The following PCSK5 variants were observed in gnomAD, a reference collection of about 807,000 sequenced individuals.
The protein encoded by PCSK5 is proprotein convertase subtilisin/kexin type 5.
In PCSK5, 129 loss-of-function variants were observed where a neutral mutation model predicts 233.2. The observed-to-expected ratio is 0.55, with a 90% CI of 0.48 to 0.64. The LOEUF (loss-of-function observed/expected upper bound fraction) is 0.64, where lower values mean the gene tolerates loss of function less well. PCSK5 is among the 30% of genes least tolerant of loss of function. The probability of loss-of-function intolerance (pLI) is 0.00; values close to 1 mark genes in which losing one functional copy is unlikely to be tolerated. For synonymous variants in PCSK5, 825 were observed against 879.2 expected, an observed-to-expected ratio of 0.94 and a Z score of 1.09; for missense variants, 2,076 against 2,430.1, an observed-to-expected ratio of 0.85 and a Z score of 3.06.
intron 2 of PCSK5, among the ~76,000 whole-genome samples, chr9:75,958,092 CT>C (rs1221861569): frequency 1.3e-5 from 2 of 152,190 alleles, no homozygotes; most frequent in Non-Finnish European, 2.9e-5. Context: ...ATCTATCTAA[CT>C]GGGTGGTTGT....
At chr9:75,904,004 G>A (rs1212148805) in intron 1 of PCSK5, among the ~76,000 whole-genome samples, 1 of 152,100 alleles carries the variant, frequency 6.6e-6, no homozygotes, top group Non-Finnish European at 1.5e-5. Flanking sequence ...GGCCACTTAG[G>A]ATTTATTACA....
At chr9:76,224,704 AG>A (rs1825832878) in intron 20 of PCSK5, among the ~76,000 whole-genome samples, 1 of 152,230 alleles carries the variant, frequency 6.6e-6, no homozygotes, top group South Asian at 2.1e-4. Flanking sequence ...TATCTAAGGC[AG>A]CACATTGTGA....
intron 20 of PCSK5, among the ~76,000 whole-genome samples, chr9:76,221,890 A>C (rs1047472621): frequency 2.0e-5 from 3 of 152,206 alleles, no homozygotes; most frequent in African/African-American, 7.2e-5. Flanking sequence ...CTGCCTGAGA[A>C]TGAAAAAGCA....
chr9:76,289,498 C>CACACACGCAACAT (rs1828206916), intron 24 of PCSK5, among the ~76,000 whole-genome samples: 1 of 132,042 alleles, frequency 7.6e-6, no homozygotes, highest in Non-Finnish European at 1.6e-5. Flanking sequence ...CACACACACA[C>CACACACGCAACAT]ACACACACAC....
chr9:75,906,505 G>T (rs372852554), intron 1 of PCSK5, among the ~76,000 whole-genome samples: 2 of 152,240 alleles, frequency 1.3e-5, no homozygotes, highest in Admixed American at 6.5e-5. Context: ...GATTACAGGC[G>T]TGAGTCACTG....
intron 7 of PCSK5, among the ~76,000 whole-genome samples, chr9:76,081,786 T>C (rs1049378240): frequency 6.6e-6 from 1 of 152,074 alleles, no homozygotes; most frequent in African/African-American, 2.4e-5. Flanking sequence ...ATTCACCCAG[T>C]CTCCCTTCCT....
chr9:76,121,814 G>GTT (rs568155033), intron 9 of PCSK5, among the ~76,000 whole-genome samples: 10 of 61,756 alleles, frequency 1.6e-4, no homozygotes, highest in East Asian at 6.6e-4. Flanking sequence ...TCTTGTATTG[G>GTT]TTTTTTTTTT....
At chr9:76,242,860 G>A (rs1212287508) in intron 24 of PCSK5, among the ~76,000 whole-genome samples, 4 of 152,206 alleles carry the variant, frequency 2.6e-5, no homozygotes, top group Non-Finnish European at 5.9e-5. Flanking sequence ...GCTCAGTGAT[G>A]AGAGTGGGGC....
intron 24 of PCSK5, among the ~76,000 whole-genome samples, chr9:76,272,500 C>T (rs948097130): frequency 6.6e-6 from 1 of 152,004 alleles, no homozygotes; most frequent in Non-Finnish European, 1.5e-5. Flanking sequence ...CCCAGCCAGG[C>T]GCAGTGGCTC....
intron 10 of PCSK5, among the ~76,000 whole-genome samples, chr9:76,135,213 G>A (rs189495891): frequency 3.9e-5 from 6 of 151,926 alleles, no homozygotes; most frequent in Admixed American, 6.6e-5. Context: ...TATTATCTAC[G>A]TATCATATCT....
At chr9:76,085,052 G>A (rs1267394231) in intron 7 of PCSK5, among the ~76,000 whole-genome samples, 1 of 152,220 alleles carries the variant, frequency 6.6e-6, no homozygotes, top group African/African-American at 2.4e-5. Flanking sequence ...TCTTGGCAAA[G>A]TTAGGCAACA....
intron 1 of PCSK5, among the ~76,000 whole-genome samples, chr9:75,920,073 G>A (rs1018187025): frequency 2.0e-5 from 3 of 152,182 alleles, no homozygotes; most frequent in Non-Finnish European, 2.9e-5. Flanking sequence ...GGAGGCTGGG[G>A]GAGGAGAATC....
intron 1 of PCSK5, among the ~76,000 whole-genome samples, chr9:75,906,866 A>C (rs1826285223): frequency 6.6e-6 from 1 of 152,098 alleles, no homozygotes; most frequent in Non-Finnish European, 1.5e-5. Context: ...ATAAAGCTAG[A>C]CCTTCCTATT....
At chr9:76,215,045 C>T (rs1825472849) in intron 20 of PCSK5, among the ~76,000 whole-genome samples, 1 of 152,158 alleles carries the variant, frequency 6.6e-6, no homozygotes, top group African/African-American at 2.4e-5. Context: ...ACAAATTCAT[C>T]TTTAGAAAAT....
chr9:76,018,007 C>CAAAAAAAAAAAAAA lies in PCSK5; in HGVS notation c.412-5719_412-5718insAAAAAAAAAAAAAA, dbSNP rs10694867. Among the ~76,000 whole-genome samples, 17 of 120,990 alleles carry CAAAAAAAAAAAAAA rather than the reference C, an allele frequency of 1.4e-4. 1 individual carries two copies. The highest frequency in any genetic ancestry group is 4.0e-4 in the African/African-American group (12 of 29,892). The allele number at this position is 120,990 out of a possible 152,430, so 79.4% of individuals were successfully genotyped here. Reference sequence around the variant, plus strand: ...GGAAAAGGTTAAAGAAGGTCTCCTCCAAAAAAAAAAAATGTGTGAGGGAGT... The same window carrying CAAAAAAAAAAAAAA: ...GGAAAAGGTTAAAGAAGGTCTCCTCCAAAAAAAAAAAAAAAAAAAAAAAAAATGTGTGAGGGAGT... On this transcript the variant is annotated intron_variant, in intron 3 of 37. Transcript: ENST00000674117.
At chr9:76,194,571 C>A in intron 20 of PCSK5, 1 of 293,194 alleles carries the variant, frequency 3.4e-6, no homozygotes. Context: ...ATATGCTGGT[C>A]CACTGAATGC....
chr9:76,359,614 CA>C lies in PCSK5; in HGVS notation c.*694del, dbSNP rs1830392006. 1 of 152,094 alleles carries C rather than the reference CA, an allele frequency of 6.6e-6. No individual in the cohort carries two copies. Among genetic ancestry groups the C allele is most frequent in the African/African-American group, 2.4e-5 (1 of 41,390 alleles). 9.4% of individuals were successfully genotyped at this position (152,094 alleles called of 1,614,324 possible). A position where few individuals can be genotyped will look rare whatever the true frequency, so the allele number is the denominator to read the frequency against. Reference sequence around the variant, plus strand: ...GTTCCTCCGCAGGAATCCAGAGTCACAACAATTCTAAAGGCAGAGCAAGCCC... The same window carrying C: ...GTTCCTCCGCAGGAATCCAGAGTCACACAATTCTAAAGGCAGAGCAAGCCC... On this transcript the variant is annotated 3_prime_UTR_variant, in exon 38 of 38. Coordinates refer to ENST00000674117, the MANE Select transcript of PCSK5 (RefSeq NM_001372043.1).
intron 1 of PCSK5, among the ~76,000 whole-genome samples, chr9:75,913,807 T>G (rs1822861075): frequency 1.3e-5 from 2 of 152,170 alleles, no homozygotes; most frequent in South Asian, 4.1e-4. Context: ...CCTTTTTTTT[T>G]GTAATACAGT....
At chr9:76,299,440 G>A (rs1828539041) in intron 27 of PCSK5, among the ~76,000 whole-genome samples, 2 of 152,106 alleles carry the variant, frequency 1.3e-5, no homozygotes, top group African/African-American at 2.4e-5. Context: ...AGGCCGAGGC[G>A]GGTGGATCTC....
Sources: gnomAD v4.1 joint callset for allele counts (sites outside exome capture counted in the v4.1 genomes callset) on GRCh38, gnomAD v4.1.1 for gene constraint, MANE v1.5 for transcripts, NCBI Gene and HGNC (gene_info 2026-07-23, HGNC 2026-07-21) for gene names.